SPATS2: variants seen among roughly 807,000 people sequenced by gnomAD.
SPATS2 encodes the protein spermatogenesis associated serine rich 2, also known as spermatogenesis-associated serine-rich protein 2.
SPATS2 carries 38 observed loss-of-function variants against 63.7 expected under a neutral mutation model. The ratio of observed to expected loss-of-function variants is 0.60; its 90% CI spans 0.46 to 0.78. SPATS2 has a LOEUF of 0.78. Ranked by LOEUF, SPATS2 falls within the 30% of genes least tolerant of loss-of-function variation. SPATS2 has a pLI of 0.00. For synonymous variants in SPATS2, 207 were observed against 232.9 expected (o/e 0.89, Z 1.01); for missense variants, 588 against 666.2 (o/e 0.88, Z 1.29).
chr12:49,501,488 G>A (rs1255679669), intron 9 of SPATS2, among the ~76,000 whole-genome samples: 2 of 152,128 alleles, frequency 1.3e-5, no homozygotes, highest in African/African-American at 4.8e-5. Flanking sequence ...GTAGCACTGA[G>A]GATTAAGTTT....
chr12:49,437,664 C>CA (rs1309662905), intron 2 of SPATS2, among the ~76,000 whole-genome samples: 3 of 152,274 alleles, frequency 2.0e-5, no homozygotes, highest in Non-Finnish European at 4.4e-5. Flanking sequence ...CCGTCTCCAC[C>CA]AAAAAAATAC....
chr12:49,436,040 C>T (rs988990564), intron 2 of SPATS2, among the ~76,000 whole-genome samples: 8 of 151,578 alleles, frequency 5.3e-5, no homozygotes, highest in Non-Finnish European at 1.0e-4. Flanking sequence ...CCATGTCTAC[C>T]TCTTTCTACA....
chr12:49,385,846 TG>T (rs1288091073), intron 2 of SPATS2, among the ~76,000 whole-genome samples: 9 of 131,628 alleles, frequency 6.8e-5, no homozygotes, highest in African/African-American at 3.0e-4. Flanking sequence ...GTTTTTTGTT[TG>T]TTTGTTTGTT....
chr12:49,441,513 CTTT>C (rs1460090508), intron 2 of SPATS2, among the ~76,000 whole-genome samples: 3 of 152,278 alleles, frequency 2.0e-5, no homozygotes, highest in East Asian at 1.9e-4. Flanking sequence ...TCTTCTACTT[CTTT>C]ATTAGTCCAC....
At chr12:49,487,279 T>C (rs1490880945) in intron 4 of SPATS2, among the ~76,000 whole-genome samples, 2 of 152,056 alleles carry the variant, frequency 1.3e-5, no homozygotes, top group African/African-American at 2.4e-5. Context: ...TTGAGTGAGG[T>C]CAGGAGTTCG....
At chr12:49,438,479 A>G (rs1309597304) in intron 2 of SPATS2, among the ~76,000 whole-genome samples, 1 of 152,164 alleles carries the variant, frequency 6.6e-6, no homozygotes, top group Non-Finnish European at 1.5e-5. Context: ...TAAGATGGGC[A>G]TATATTTAAA....
At chr12:49,441,504 C>T (rs1945418681) in intron 2 of SPATS2, among the ~76,000 whole-genome samples, 1 of 152,110 alleles carries the variant, frequency 6.6e-6, no homozygotes, top group African/African-American at 2.4e-5. Context: ...ATGTTCTTTT[C>T]TTCTACTTCT....
At chr12:49,467,003 T>C (rs1426731775) in intron 3 of SPATS2, among the ~76,000 whole-genome samples, 1 of 151,812 alleles carries the variant, frequency 6.6e-6, no homozygotes, top group African/African-American at 2.4e-5. Context: ...TGTACAACTC[T>C]TGCATTTTTC....
At chr12:49,418,362 T>C (rs1451133644) in intron 2 of SPATS2, among the ~76,000 whole-genome samples, 1 of 152,138 alleles carries the variant, frequency 6.6e-6, no homozygotes, top group East Asian at 1.9e-4. Flanking sequence ...TGCAATGGCG[T>C]GATCTCGGCT....
At chr12:49,392,537 AC>A (rs1944435600) in intron 2 of SPATS2, among the ~76,000 whole-genome samples, 1 of 151,812 alleles carries the variant, frequency 6.6e-6, no homozygotes, top group Non-Finnish European at 1.5e-5. Context: ...ACATGGCGAA[AC>A]CCTGTCTTTA....
At chr12:49,387,866 T>G (rs1423276547) in intron 2 of SPATS2, among the ~76,000 whole-genome samples, 3 of 152,114 alleles carry the variant, frequency 2.0e-5, no homozygotes, top group Non-Finnish European at 4.4e-5. Flanking sequence ...AGGAGTATCT[T>G]ACTGCAGGTG....
chr12:49,407,012 C>T (rs749209735), intron 2 of SPATS2, among the ~76,000 whole-genome samples: 12 of 152,188 alleles, frequency 7.9e-5, no homozygotes, highest in Non-Finnish European at 1.5e-4. Context: ...TGTGTCTCCA[C>T]GCCTCTTTCA....
At chr12:49,442,796 A>AAAAAAG (rs1945445414) in intron 2 of SPATS2, 1 of 73,262 alleles carries the variant, frequency 1.4e-5, no homozygotes, top group Non-Finnish European at 2.5e-5. Flanking sequence ...TAAAAAAAAA[A>AAAAAAG]AAAAAAAAAA....
intron 2 of SPATS2, among the ~76,000 whole-genome samples, chr12:49,404,404 A>C (rs943133610): frequency 8.6e-5 from 13 of 150,868 alleles, no homozygotes; most frequent in African/African-American, 3.2e-4. Flanking sequence ...CTTCCGCCTC[A>C]GTCTCCCAAG....
intron 1 of SPATS2, among the ~76,000 whole-genome samples, chr12:49,369,524 C>A (rs1943962737): frequency 6.6e-6 from 1 of 152,150 alleles, no homozygotes; most frequent in Non-Finnish European, 1.5e-5. Flanking sequence ...TTTTTAAAAT[C>A]TTCACTACCT....
chr12:49,446,212 A>T (rs1178182932), intron 2 of SPATS2, among the ~76,000 whole-genome samples: 1 of 152,170 alleles, frequency 6.6e-6, no homozygotes, highest in Non-Finnish European at 1.5e-5. Flanking sequence ...CCTGATCTGT[A>T]GTTTTCTAGT....
At chr12:49,466,750 C>T (rs1945923282) in intron 3 of SPATS2, among the ~76,000 whole-genome samples, 1 of 152,162 alleles carries the variant, frequency 6.6e-6, no homozygotes, top group South Asian at 2.1e-4. Flanking sequence ...CAATGATTTT[C>T]CCCACAGAAT....
chr12:49,464,641 A>G (rs1340116663), intron 3 of SPATS2, among the ~76,000 whole-genome samples: 2 of 151,326 alleles, frequency 1.3e-5, no homozygotes, highest in African/African-American at 4.8e-5. Context: ...AAAAAAAAAA[A>G]AAAAAAGGAC....
chr12:49,399,395 GTAC>G (rs1285792164), intron 2 of SPATS2, among the ~76,000 whole-genome samples: 1 of 152,050 alleles, frequency 6.6e-6, no homozygotes, highest in Non-Finnish European at 1.5e-5. Context: ...ATTACTTGAT[GTAC>G]TACTAGAAAA....
Sources: allele counts gnomAD v4.1 joint callset (sites outside exome capture counted in the v4.1 genomes callset), GRCh38; gene constraint gnomAD v4.1.1; transcripts MANE v1.5; gene names NCBI Gene and HGNC (gene_info 2026-07-23, HGNC 2026-07-21).